Variants in ARHGAP32 observed in about 807,000 individuals in gnomAD.
ARHGAP32 encodes the protein rho GTPase-activating protein 32.
Under a neutral mutation model 186.5 loss-of-function variants are expected in ARHGAP32, and 51 were observed. That is an observed-to-expected ratio of 0.27 (90% confidence interval 0.22 to 0.35). The LOEUF (loss-of-function observed/expected upper bound fraction) is 0.35, where lower values mean the gene tolerates loss of function less well. ARHGAP32 is among the 10% of genes least tolerant of loss of function. The pLI is 1.00. For synonymous variants in ARHGAP32, 950 were observed against 964.3 expected (o/e 0.99, Z 0.27); for missense variants, 2,186 against 2,623.5 (o/e 0.83, Z 3.64).
At chr11:129,002,576 CTTTA>C (rs1303377366) in intron 11 of ARHGAP32, among the ~76,000 whole-genome samples, 1 of 152,018 alleles carries the variant, frequency 6.6e-6, no homozygotes, top group Non-Finnish European at 1.5e-5. Context: ...TTTGAGTGCC[CTTTA>C]TTTCTTTCTC....
At chr11:128,991,755 A>G (rs556176846) in intron 12 of ARHGAP32, among the ~76,000 whole-genome samples, 2 of 152,224 alleles carry the variant, frequency 1.3e-5, no homozygotes, top group Non-Finnish European at 2.9e-5. Flanking sequence ...TTTTTAAAAT[A>G]TCATCATACG....
At chr11:129,139,133 G>A (rs1402940905) in intron 2 of ARHGAP32, among the ~76,000 whole-genome samples, 1 of 152,024 alleles carries the variant, frequency 6.6e-6, no homozygotes, top group Non-Finnish European at 1.5e-5. Flanking sequence ...ATTAGAATAT[G>A]AATTAATAAA....
chr11:128,969,199 A>G lies in ARHGAP32; in HGVS notation c.6014T>C (p.Leu2005Pro), dbSNP rs1016681582. The change falls in exon 23 of 23, where the codon CTC becomes CCC. Residue 2005 changes from leucine (L) to proline (P), a missense_variant. Leu to Pro is a moderately conservative substitution (Grantham distance 98). This residue lies in a region of ARHGAP32 where 1,502 missense variants were observed against 1,570.0 expected (regional missense o/e 0.96). Coordinates refer to ENST00000682385, the MANE Select transcript of ARHGAP32 (RefSeq NM_001378024.1). The surrounding 1 kb of genome is among the most constrained non-coding windows in gnomAD (Gnocchi z 4.8). ...CCTCTCCACGTTCTGGGTATGATGG[A>G]GTTTGAGGCTATGACTCCTCTCTGG... ...PKPERSHSLK[L>P]HHTQNVERDP... 2 of 1,613,826 alleles carry G rather than the reference A, an allele frequency of 1.2e-6. No homozygotes were observed. The highest frequency in any genetic ancestry group is 3.3e-5 in the Admixed American group (2 of 60,006).
chr11:129,183,537 T>C (rs1018440623), intron 1 of ARHGAP32, among the ~76,000 whole-genome samples: 1 of 152,162 alleles, frequency 6.6e-6, no homozygotes, highest in Non-Finnish European at 1.5e-5. Context: ...GTTGTTAAGT[T>C]TATTTCTGGT....
intron 2 of ARHGAP32, among the ~76,000 whole-genome samples, chr11:129,133,510 G>A (rs1942865378): frequency 6.6e-6 from 1 of 152,138 alleles, no homozygotes; most frequent in Admixed American, 6.5e-5. Context: ...TATTCTGAGA[G>A]CATCCAGAAA....
chr11:129,084,115 A>G (rs1459013870), intron 6 of ARHGAP32, among the ~76,000 whole-genome samples: 1 of 152,142 alleles, frequency 6.6e-6, no homozygotes, highest in Non-Finnish European at 1.5e-5. Flanking sequence ...ACACAAGAAG[A>G]AAAAGATATA....
chr11:129,095,991 C>A (rs1280924775), intron 5 of ARHGAP32, among the ~76,000 whole-genome samples: 1 of 152,166 alleles, frequency 6.6e-6, no homozygotes, highest in East Asian at 1.9e-4. Context: ...TCATAAAAGA[C>A]CAGATCTTAT....
chr11:129,009,370 T>G (rs977947602), intron 11 of ARHGAP32, among the ~76,000 whole-genome samples: 1 of 152,214 alleles, frequency 6.6e-6, no homozygotes, highest in Non-Finnish European at 1.5e-5. Flanking sequence ...GGAGTATATG[T>G]GCAGGATGTG....
intron 2 of ARHGAP32, among the ~76,000 whole-genome samples, chr11:129,163,049 T>A (rs937178948): frequency 2.7e-4 from 41 of 152,176 alleles, no homozygotes; most frequent in Non-Finnish European, 4.4e-4. Flanking sequence ...AATCTTTAAT[T>A]GGAATTGATT....
rs1945930838 is a variant in ARHGAP32, at chr11:128,988,096, A to C, written c.1225T>G (p.Phe409Val). ...TCCACGATGCCATATCTCTCAATGAATGCTGTGCAGCTTTGAAGAACCTGC... is the reference window on the plus strand; with the variant it reads ...TCCACGATGCCATATCTCTCAATGACTGCTGTGCAGCTTTGAAGAACCTGC... Reference protein sequence around the residue: ...VPQVLQSCTAFIERYGIVDGI... With the variant: ...VPQVLQSCTAVIERYGIVDGI... Residue 409 changes from phenylalanine to valine, a missense_variant, in exon 13 of 23, where the codon TTC (phenylalanine) becomes GTC (valine). By Grantham distance (50) the Phe-to-Val change is conservative. This residue lies in a region of ARHGAP32 where 308 missense variants were observed against 596.5 expected (regional missense o/e 0.52). Coordinates refer to ENST00000682385, the MANE Select transcript of ARHGAP32 (RefSeq NM_001378024.1). 2 of 1,613,154 alleles carry C rather than the reference A, an allele frequency of 1.2e-6. No homozygotes were observed. The highest frequency in any genetic ancestry group is 2.7e-5 in the African/African-American group (2 of 74,922).
intron 1 of ARHGAP32, among the ~76,000 whole-genome samples, chr11:129,222,605 C>G (rs768569748): frequency 6.6e-6 from 1 of 152,042 alleles, no homozygotes; most frequent in Non-Finnish European, 1.5e-5. Context: ...AGATAGTTAC[C>G]CTCGTTTCCA....
chr11:129,173,408 C>T (rs557417269), intron 1 of ARHGAP32, among the ~76,000 whole-genome samples: 268 of 151,976 alleles, frequency 1.8e-3, no homozygotes, highest in Non-Finnish European at 3.4e-3. Flanking sequence ...GAGCTGGTAC[C>T]ATTCCTTCTG....
chr11:129,279,511 C>T (rs1161285270), upstream of ARHGAP32, among the ~76,000 whole-genome samples: 1 of 145,740 alleles, frequency 6.9e-6, no homozygotes, highest in Admixed American at 6.8e-5. Flanking sequence ...TCGGGCCGCC[C>T]CCGCAGCGCC....
At chr11:128,997,743 A>G (rs1403884061) in intron 12 of ARHGAP32, among the ~76,000 whole-genome samples, 2 of 152,166 alleles carry the variant, frequency 1.3e-5, no homozygotes, top group Non-Finnish European at 2.9e-5. Flanking sequence ...ACAAAAGTAA[A>G]ATGAAAAATA....
chr11:129,126,778 T>C (rs1942672264), intron 2 of ARHGAP32, among the ~76,000 whole-genome samples: 1 of 152,190 alleles, frequency 6.6e-6, no homozygotes, highest in Admixed American at 6.5e-5. Flanking sequence ...CTCCAGTTGG[T>C]CATTCAACTG....
intron 1 of ARHGAP32, among the ~76,000 whole-genome samples, chr11:129,178,919 C>T (rs1943984177): frequency 1.3e-5 from 2 of 152,094 alleles, no homozygotes; most frequent in South Asian, 4.1e-4. Context: ...AAAGCAATGC[C>T]AACAAGAGCC....
intron 1 of ARHGAP32, among the ~76,000 whole-genome samples, chr11:129,210,507 A>C (rs1039108247): frequency 1.3e-5 from 2 of 152,220 alleles, no homozygotes; most frequent in African/African-American, 4.8e-5. Context: ...TCTTTGAACA[A>C]ACATTTTAAA....
Position 128,970,533 on chromosome 11 carries a change from T to A in ARHGAP32, c.4680A>T (p.Gly1560=). Reference sequence around the variant, plus strand: ...CCCGGCTGCATGGCTTGGAGTGGTGTCCAGATGCGTTTCTTCCTGGGGCCA... The same window carrying A: ...CCCGGCTGCATGGCTTGGAGTGGTGACCAGATGCGTTTCTTCCTGGGGCCA... ...TYVAPGRNAS[G]HHSKPCSRVE... is the part of the protein sequence containing the mutation. Residue 1560 remains glycine, a synonymous_variant, in exon 23 of 23, where the codon GGA becomes GGT. Coordinates refer to ENST00000682385, the MANE Select transcript of ARHGAP32 (RefSeq NM_001378024.1). This position sits in a 1 kb window ranked among gnomAD's most constrained non-coding sequence, Gnocchi z 5.8. 6.2e-7 allele frequency: 1 copy of A among 1,614,118 alleles called. No individual in the cohort carries two copies. Among genetic ancestry groups the A allele is most frequent in the Non-Finnish European group, 8.5e-7 (1 of 1,180,006 alleles).
intron 1 of ARHGAP32, among the ~76,000 whole-genome samples, chr11:129,185,464 A>G (rs1011942834): frequency 1.8e-4 from 27 of 152,258 alleles, no homozygotes; most frequent in African/African-American, 6.5e-4. Flanking sequence ...GGGTGAGGGG[A>G]GAGGAGAGGG....
Sources: gnomAD v4.1 joint callset for allele counts (sites outside exome capture counted in the v4.1 genomes callset) on GRCh38, gnomAD v4.1.1 for gene constraint, gnomAD v4.1.1 regional missense constraint, Gnocchi (gnomAD v3.1) non-coding constraint, MANE v1.5 for transcripts, NCBI Gene and HGNC (gene_info 2026-07-23, HGNC 2026-07-21) for gene names.